Variants in PARL observed in about 807,000 individuals in gnomAD.
The protein encoded by PARL is presenilin-associated rhomboid-like protein, mitochondrial.
Under a neutral mutation model 51.6 loss-of-function variants are expected in PARL, and 44 were observed. The observed-to-expected ratio is 0.85, with a 90% CI of 0.67 to 1.10. The LOEUF is 1.10. Ranked by LOEUF, PARL falls within the 50% of genes least tolerant of loss-of-function variation. The pLI is 0.00. For missense variants in PARL, 441 were observed against 469.5 expected, an observed-to-expected ratio of 0.94 and a Z score of 0.56; for synonymous variants, 172 against 164.0, an observed-to-expected ratio of 1.05 and a Z score of -0.37.
At chr3:183,848,550 G>A (rs1347830789) in intron 4 of PARL, among the ~76,000 whole-genome samples, 2 of 152,180 alleles carry the variant, frequency 1.3e-5, no homozygotes, top group Non-Finnish European at 2.9e-5. Flanking sequence ...CCACTCTCTA[G>A]TTACAAGGTA....
chr3:183,855,992 C>A lies in PARL; in HGVS notation c.511+6761G>T, dbSNP rs543103667. On this transcript the variant is annotated intron_variant, in intron 4 of 9. Coordinates refer to ENST00000317096, the MANE Select transcript of PARL (RefSeq NM_018622.7). ...CAAACAAAAAAAAAAACAAAAAAAA[C>A]CCCACAAACAAAGTTTCACTTGTTC... Among the ~76,000 whole-genome samples, 565 of 151,028 alleles carry A rather than the reference C, an allele frequency of 3.7e-3. 5 individuals carry two copies. The highest frequency in any genetic ancestry group is 2.9e-3 in the Non-Finnish European group (194 of 67,646).
intron 1 of PARL, among the ~76,000 whole-genome samples, chr3:183,882,287 A>C (rs1425093348): frequency 2.7e-5 from 3 of 113,140 alleles, no homozygotes; most frequent in Non-Finnish European, 3.7e-5. Context: ...ATATATACAC[A>C]CACACATATA....
At chr3:183,842,934 A>T (rs1729519438) in intron 5 of PARL, among the ~76,000 whole-genome samples, 1 of 147,422 alleles carries the variant, frequency 6.8e-6, no homozygotes, top group Non-Finnish European at 1.5e-5. Context: ...CAGTGGCACG[A>T]TCTTGGCTCA....
intron 6 of PARL, among the ~76,000 whole-genome samples, chr3:183,842,015 A>G (rs896075256): frequency 3.3e-5 from 5 of 152,206 alleles, no homozygotes; most frequent in African/African-American, 7.2e-5. Flanking sequence ...TACAAAAATG[A>G]CATGCTTAAA....
intron 4 of PARL, among the ~76,000 whole-genome samples, chr3:183,845,489 G>A (rs1729843497): frequency 6.6e-6 from 1 of 152,038 alleles, no homozygotes; most frequent in African/African-American, 2.4e-5. Context: ...GCATTTTGTT[G>A]AACTGATTCC....
intron 1 of PARL, 57 bp downstream of exon 1, chr3:183,884,665 A>C: frequency 6.5e-7 from 1 of 1,545,824 alleles, no homozygotes; most frequent in Non-Finnish European, 8.8e-7. Flanking sequence ...CCCCGAGGAT[A>C]CACGGCCAGA....
rs554251527 is a variant in PARL, at chr3:183,835,865, C to T, written c.829-2040G>A. ...AACCCCAAAACAAATCAAAATTACA[C>T]GTTTCCCCAAAATGAAGCAAATATA... On this transcript the variant is annotated intron_variant, in intron 7 of 9. Coordinates refer to ENST00000317096, the MANE Select transcript of PARL (RefSeq NM_018622.7). Among the ~76,000 whole-genome samples the T allele has an allele frequency of 4.0e-5, 6 of 151,706 alleles. No individual in the cohort carries two copies. The South Asian group carries it at 1.3e-3, about 32-fold the overall frequency.
At chr3:183,846,087 A>G (rs12635807) in intron 4 of PARL, among the ~76,000 whole-genome samples, 114,284 of 152,006 alleles carry the variant, frequency 0.75, 43,234 homozygotes, top group East Asian at 0.96. Context: ...CTCAAACCAC[A>G]GACACACAGC....
At chr3:183,860,985 T>C (rs1731762529) in intron 4 of PARL, among the ~76,000 whole-genome samples, 5 of 152,166 alleles carry the variant, frequency 3.3e-5, no homozygotes, top group Admixed American at 2.0e-4. Flanking sequence ...AAGCTAATTT[T>C]TTGTATTTTT....
At chr3:183,833,675 T>C (rs1271489520) in intron 8 of PARL, 49 bp downstream of exon 8, 3 of 1,463,324 alleles carry the variant, frequency 2.1e-6, no homozygotes, top group Non-Finnish European at 2.9e-6. Flanking sequence ...CCACTCAACA[T>C]AAAAACATCA....
intron 7 of PARL, among the ~76,000 whole-genome samples, chr3:183,836,573 C>G (rs779663188): frequency 1.3e-5 from 2 of 152,116 alleles, no homozygotes; most frequent in African/African-American, 2.4e-5. Context: ...TCTCAGAAAA[C>G]GCTCACATTC....
At chr3:183,842,505 T>C in intron 5 of PARL, 58 bp from the exon 6 acceptor site, 16 of 1,549,868 alleles carry the variant, frequency 1.0e-5, no homozygotes, top group Non-Finnish European at 1.3e-5. Context: ...ATAAAAATTA[T>C]CCATTTTAAA....
Position 183,829,593 on chromosome 3 carries a change from C to T in PARL, c.*5G>A, listed in dbSNP as rs1383986629. ...CAGATGCACCACTACTGTCCAATCC[C>T]AGTTTTACTTAGAGCCACCTCCTTT... On this transcript the variant is annotated 3_prime_UTR_variant, in exon 10 of 10. Transcript: ENST00000317096. 6.2e-7 allele frequency: 1 copy of T among 1,614,076 alleles called. No homozygotes were observed. The highest frequency in any genetic ancestry group is 1.3e-5 in the African/African-American group (1 of 74,924).
At chr3:183,884,149 C>T (rs933038121) in intron 1 of PARL, among the ~76,000 whole-genome samples, 4 of 152,192 alleles carry the variant, frequency 2.6e-5, no homozygotes, top group African/African-American at 9.7e-5. Flanking sequence ...ATCAACCATA[C>T]GCTTCACACT....
chr3:183,850,662 A>G (rs1223281065), intron 4 of PARL, among the ~76,000 whole-genome samples: 3 of 152,162 alleles, frequency 2.0e-5, no homozygotes, highest in African/African-American at 7.2e-5. Flanking sequence ...AGCCACTATC[A>G]CCTCCGTATC....
At chr3:183,834,078 G>T (rs934898770) in intron 7 of PARL, among the ~76,000 whole-genome samples, 1 of 152,196 alleles carries the variant, frequency 6.6e-6, no homozygotes. Context: ...CTCATGAACC[G>T]CAAGGACAGT....
intron 1 of PARL, among the ~76,000 whole-genome samples, chr3:183,871,513 T>A (rs1733205162): frequency 1.0e-5 from 1 of 95,606 alleles, no homozygotes; most frequent in Non-Finnish European, 2.0e-5. Flanking sequence ...ATATTACACT[T>A]GGCCAAAAAA....
At chr3:183,830,756 A>C (rs950550434) in intron 9 of PARL, among the ~76,000 whole-genome samples, 17 of 152,198 alleles carry the variant, frequency 1.1e-4, no homozygotes, top group Non-Finnish European at 1.6e-4. Context: ...GTTTAATTAT[A>C]AAGGGCTTGA....
chr3:183,843,328 C>A (rs1195991093), intron 5 of PARL: 1 of 983,870 alleles, frequency 1.0e-6, no homozygotes, highest in Non-Finnish European at 1.2e-6. Context: ...GCAGTCTGGG[C>A]AACATGGCAA....
Sources: allele counts gnomAD v4.1 joint callset (sites outside exome capture counted in the v4.1 genomes callset), GRCh38; gene constraint gnomAD v4.1.1; transcripts MANE v1.5; gene names NCBI Gene and HGNC (gene_info 2026-07-23, HGNC 2026-07-21).